Variants in ANKH observed in about 807,000 individuals in gnomAD.
ANKH encodes the protein mineralization regulator ANKH.
ANKH carries 15 observed loss-of-function variants against 49.0 expected under a neutral mutation model. That is an observed-to-expected ratio of 0.31 (90% CI 0.20 to 0.47). The LOEUF (loss-of-function observed/expected upper bound fraction) is 0.47, where lower values mean the gene tolerates loss of function less well. Among genes scored for constraint, ANKH ranks in the 20% least tolerant of loss-of-function variants. ANKH has a pLI of 1.00. For missense variants in ANKH, 429 were observed against 652.0 expected (o/e 0.66, Z 3.72); for synonymous variants, 273 against 260.0 (o/e 1.05, Z -0.48).
chr5:14,831,371 T>C (rs1220886107), intron 1 of ANKH, among the ~76,000 whole-genome samples: 1 of 152,212 alleles, frequency 6.6e-6, no homozygotes, highest in Non-Finnish European at 1.5e-5. Context: ...ATTTTGCCTC[T>C]CTTAGCTAAG....
intron 1 of ANKH, among the ~76,000 whole-genome samples, chr5:14,810,608 T>C (rs1453728291): frequency 5.3e-5 from 8 of 152,184 alleles, no homozygotes; most frequent in African/African-American, 1.9e-4. Context: ...ACAGTAACCA[T>C]GAATTCAGTG....
At chr5:14,777,745 C>T (rs1045089149) in intron 1 of ANKH, among the ~76,000 whole-genome samples, 8 of 152,312 alleles carry the variant, frequency 5.3e-5, no homozygotes, top group East Asian at 3.9e-4. Context: ...AACCCCTCCT[C>T]GCTGAGAGGA....
chr5:14,741,720 G>T, intron 8 of ANKH, 107 bp downstream of exon 8: 2 of 805,052 alleles, frequency 2.5e-6, no homozygotes, highest in Non-Finnish European at 4.2e-6. Flanking sequence ...AATTAATCCA[G>T]CATCACATTA....
chr5:14,813,218 G>A (rs148049771), intron 1 of ANKH, among the ~76,000 whole-genome samples: 19 of 150,792 alleles, frequency 1.3e-4, no homozygotes, highest in Admixed American at 4.6e-4. Context: ...CTCAGCCTGG[G>A]CAATAGAGAG....
chr5:14,786,285 C>T (rs1294753842), intron 1 of ANKH, among the ~76,000 whole-genome samples: 1 of 152,020 alleles, frequency 6.6e-6, no homozygotes, highest in Non-Finnish European at 1.5e-5. Flanking sequence ...TAAAATGAGA[C>T]CTGAATAAAT....
chr5:14,863,495 A>G (rs925530154), intron 1 of ANKH, among the ~76,000 whole-genome samples: 7 of 152,182 alleles, frequency 4.6e-5, no homozygotes, highest in Non-Finnish European at 7.3e-5. Context: ...TCTCATACTA[A>G]AAAAAGGAAA....
chr5:14,724,100 T>C (rs1301130411), intron 8 of ANKH, among the ~76,000 whole-genome samples: 3 of 152,084 alleles, frequency 2.0e-5, no homozygotes, highest in African/African-American at 7.2e-5. Flanking sequence ...GATGGATCAC[T>C]TGAGGTCAAG....
chr5:14,724,726 G>T, intron 8 of ANKH: 1 of 260,072 alleles, frequency 3.8e-6, no homozygotes, highest in Non-Finnish European at 6.0e-6. Flanking sequence ...GGGATATGAA[G>T]CAGCCAGTTG....
At chr5:14,736,261 C>G (rs1487688100) in intron 8 of ANKH, among the ~76,000 whole-genome samples, 1 of 152,092 alleles carries the variant, frequency 6.6e-6, no homozygotes. Context: ...TGGATGTAGT[C>G]TGGGGGCCCT....
At chr5:14,773,551 C>G (rs937193611) in intron 1 of ANKH, among the ~76,000 whole-genome samples, 3 of 152,002 alleles carry the variant, frequency 2.0e-5, no homozygotes, top group Admixed American at 6.5e-5. Context: ...TTTAGCCCAA[C>G]AATTATGGTA....
chr5:14,704,947 A>T lies in ANKH; in HGVS notation c.*6250T>A, dbSNP rs1459084843. 6.6e-6 allele frequency: 1 copy of T among 152,268 alleles called. No homozygotes were observed. The highest frequency in any genetic ancestry group is 1.5e-5 in the Non-Finnish European group (1 of 68,046). The allele number at this position is 152,268 out of a possible 1,614,324, so 9.4% of individuals were successfully genotyped here. A position where few individuals can be genotyped will look rare whatever the true frequency, so the allele number is the denominator to read the frequency against. On this transcript the variant is annotated 3_prime_UTR_variant, in exon 12 of 12. Transcript: ENST00000284268. ...ATGCAAAAACTTCCATCTGTTAGATACATAAAGAGCACTTCCTTAAAAGCG... is the reference window on the plus strand; with the variant it reads ...ATGCAAAAACTTCCATCTGTTAGATTCATAAAGAGCACTTCCTTAAAAGCG...
intron 2 of ANKH, 64 bp downstream of exon 2, chr5:14,768,911 A>T (rs1040959853): frequency 6.0e-6 from 9 of 1,506,722 alleles, no homozygotes; most frequent in Non-Finnish European, 8.3e-6. Flanking sequence ...AATACATTTA[A>T]ATCAATGAAA....
rs1408620872 is a variant in ANKH, at chr5:14,709,660, C to T, written c.*1537G>A. The T allele has an allele frequency of 6.6e-6, 1 of 152,486 alleles. No individual in the cohort carries two copies. The highest frequency in any genetic ancestry group is 2.4e-5 in the African/African-American group (1 of 41,420). The allele number at this position is 152,486 out of a possible 1,614,324, so 9.4% of individuals were successfully genotyped here. On this transcript the variant is annotated 3_prime_UTR_variant, in exon 12 of 12. Coordinates refer to ENST00000284268, the MANE Select transcript of ANKH (RefSeq NM_054027.6). ...CCTACTCCAGTGACCCATTTATTCC[C>T]CAGTTACCCATAATGAAAAATAGTT...
At chr5:14,734,107 A>G (rs868502650) in intron 8 of ANKH, among the ~76,000 whole-genome samples, 3 of 152,176 alleles carry the variant, frequency 2.0e-5, no homozygotes, top group Non-Finnish European at 4.4e-5. Context: ...TTCTCTTCAA[A>G]GAATCAGTAT....
intron 1 of ANKH, among the ~76,000 whole-genome samples, chr5:14,785,620 C>G (rs565501492): frequency 6.6e-5 from 10 of 152,230 alleles, no homozygotes; most frequent in African/African-American, 2.2e-4. Context: ...TACAGCAATG[C>G]AAAAACTAAT....
chr5:14,870,758 G>GAAAA (rs545521089), intron 1 of ANKH: 3 of 87,652 alleles, frequency 3.4e-5, no homozygotes, highest in African/African-American at 4.5e-5. Context: ...AGTGGTCCAT[G>GAAAA]AAAAAAAAAA....
chr5:14,766,580 A>G (rs537924309), intron 2 of ANKH, among the ~76,000 whole-genome samples: 1 of 152,364 alleles, frequency 6.6e-6, no homozygotes, highest in South Asian at 2.1e-4. Context: ...AGAACTTGCT[A>G]AAAGGAAATA....
intron 1 of ANKH, among the ~76,000 whole-genome samples, chr5:14,780,180 A>G (rs1445846675): frequency 3.3e-5 from 5 of 152,078 alleles, no homozygotes; most frequent in Non-Finnish European, 5.9e-5. Context: ...GTGGCTGTGC[A>G]AGTCAGGACG....
intron 1 of ANKH, among the ~76,000 whole-genome samples, chr5:14,826,502 T>C (rs1465767307): frequency 6.6e-6 from 1 of 152,234 alleles, no homozygotes; most frequent in Non-Finnish European, 1.5e-5. Context: ...ATCTATCAAA[T>C]GGGGATAATT....
Sources: allele counts gnomAD v4.1 joint callset (sites outside exome capture counted in the v4.1 genomes callset), GRCh38; gene constraint gnomAD v4.1.1; transcripts MANE v1.5; gene names NCBI Gene and HGNC (gene_info 2026-07-23, HGNC 2026-07-21).